The following CSMD2 variants were observed in gnomAD, a reference collection of about 807,000 sequenced individuals.
CSMD2 encodes CUB and sushi domain-containing protein 2.
In CSMD2, 130 loss-of-function variants were observed where a neutral mutation model predicts 398.5. The observed-to-expected ratio is 0.33, with a 90% confidence interval of 0.28 to 0.38. The LOEUF (loss-of-function observed/expected upper bound fraction) is 0.38, where lower values mean the gene tolerates loss of function less well. CSMD2 is among the 10% of genes least tolerant of loss of function. The pLI, the probability that CSMD2 is intolerant of heterozygous loss-of-function variation, is 1.00. For synonymous variants in CSMD2, 1,828 were observed against 1,908.5 expected, an observed-to-expected ratio of 0.96 and a Z score of 1.10; for missense variants, 3,829 against 4,764.9, an observed-to-expected ratio of 0.80 and a Z score of 5.78.
chr1:33,964,455 G>A (rs553658130), intron 3 of CSMD2, among the ~76,000 whole-genome samples: 125 of 152,328 alleles, frequency 8.2e-4, no homozygotes, highest in African/African-American at 2.8e-3. Context: ...CTCTTTGGAG[G>A]TAATTGCTGG....
chr1:33,636,425 G>A lies in CSMD2; in HGVS notation c.4904C>T (p.Thr1635Ile). 2 of 1,614,128 alleles carry A rather than the reference G, an allele frequency of 1.2e-6. No homozygotes were observed. The highest frequency in any genetic ancestry group is 1.1e-5 in the South Asian group (1 of 91,058). ...HGGYEVEGTS[T>I]LSCILGPDGK... ...ATCAGGCCCCAGGATGCAGCTCAGGGTCGAGGTGCCCTCAACTTCGTAGCC... is the reference window on the plus strand; with the variant it reads ...ATCAGGCCCCAGGATGCAGCTCAGGATCGAGGTGCCCTCAACTTCGTAGCC... Residue 1635 changes from threonine (T) to isoleucine (I), a missense_variant, in exon 30 of 71, where the codon ACC (threonine) becomes ATC (isoleucine). Transcript: ENST00000373381. The surrounding 1 kb of genome is among the most constrained non-coding windows in gnomAD (Gnocchi z 4.8).
chr1:33,711,771 G>A (rs1003307739), intron 21 of CSMD2, among the ~76,000 whole-genome samples: 1 of 152,080 alleles, frequency 6.6e-6, no homozygotes, highest in Non-Finnish European at 1.5e-5. Flanking sequence ...AGAGCTATGT[G>A]CCCCACCTCT....
At chr1:33,896,066 A>G (rs1281932427) in intron 5 of CSMD2, among the ~76,000 whole-genome samples, 2 of 152,216 alleles carry the variant, frequency 1.3e-5, no homozygotes, top group Non-Finnish European at 2.9e-5. Context: ...TTGTTAAGTC[A>G]CAGGATAAAG....
chr1:33,627,118 T>G (rs1386797211), intron 32 of CSMD2, among the ~76,000 whole-genome samples: 3 of 152,174 alleles, frequency 2.0e-5, no homozygotes, highest in African/African-American at 7.2e-5. Context: ...GTGTAATGTA[T>G]TGTTCATACT....
At chr1:34,128,522 G>A (rs1225971238) in intron 1 of CSMD2, among the ~76,000 whole-genome samples, 2 of 152,170 alleles carry the variant, frequency 1.3e-5, no homozygotes, top group Admixed American at 1.3e-4. Context: ...AGAAGACCTG[G>A]GTGTTCAAAG....
intron 3 of CSMD2, among the ~76,000 whole-genome samples, chr1:34,017,491 T>C (rs1286742193): frequency 6.6e-6 from 1 of 152,214 alleles, no homozygotes; most frequent in Non-Finnish European, 1.5e-5. Context: ...GCACAGTGGC[T>C]CATGCCTGTA....
chr1:33,987,487 C>T (rs909576781), intron 3 of CSMD2, among the ~76,000 whole-genome samples: 4 of 152,170 alleles, frequency 2.6e-5, no homozygotes, highest in Admixed American at 2.6e-4. Context: ...CATCAGAACT[C>T]AATGTCCTAA....
At chr1:33,984,884 C>A (rs2358754) in intron 3 of CSMD2, among the ~76,000 whole-genome samples, 3,580 of 138,230 alleles carry the variant, frequency 0.026, 144 homozygotes, top group African/African-American at 0.094. Context: ...GGCAGGCAGG[C>A]AGGAAGGAAG....
At chr1:34,034,135 C>T (rs1351521309) in intron 2 of CSMD2, among the ~76,000 whole-genome samples, 1 of 152,016 alleles carries the variant, frequency 6.6e-6, no homozygotes, top group Non-Finnish European at 1.5e-5. Flanking sequence ...TTTGTTTAAT[C>T]ATCTTATGCT....
intron 10 of CSMD2, among the ~76,000 whole-genome samples, chr1:33,810,276 A>T (rs1656706190): frequency 6.6e-6 from 1 of 152,168 alleles, no homozygotes; most frequent in East Asian, 1.9e-4. Context: ...AAATCTTAGG[A>T]ACACAATTTT....
chr1:34,071,178 C>G (rs1002612769), intron 2 of CSMD2, among the ~76,000 whole-genome samples: 2 of 152,218 alleles, frequency 1.3e-5, no homozygotes, highest in Non-Finnish European at 2.9e-5. Context: ...GAGGAGCTAG[C>G]CACTATAAAC....
intron 7 of CSMD2, among the ~76,000 whole-genome samples, chr1:33,822,401 A>G (rs560638166): frequency 1.3e-5 from 2 of 152,152 alleles, no homozygotes; most frequent in Non-Finnish European, 2.9e-5. Context: ...AGAGGCCTGA[A>G]GTAGACCGTG....
At chr1:33,682,185 C>G (rs967682392) in intron 25 of CSMD2, among the ~76,000 whole-genome samples, 6 of 152,196 alleles carry the variant, frequency 3.9e-5, no homozygotes, top group Non-Finnish European at 7.3e-5. Context: ...CTACCTCTGT[C>G]TTTGAATCAC....
intron 2 of CSMD2, among the ~76,000 whole-genome samples, chr1:34,085,259 T>C (rs543818172): frequency 3.9e-5 from 6 of 152,054 alleles, no homozygotes; most frequent in South Asian, 2.1e-4. Context: ...AGGGATAGCA[T>C]TGGGAGATAT....
rs142234707 is a variant in CSMD2 at position 33,528,072 on chromosome 1, T to G, written c.10172-814A>C. Reference sequence around the variant, plus strand: ...CTGGTGGGGGTTGCAGAGGAGCACCTTCCTCCCTTGGAATGATGAGATTAA... The same window carrying G: ...CTGGTGGGGGTTGCAGAGGAGCACCGTCCTCCCTTGGAATGATGAGATTAA... On this transcript the variant is annotated intron_variant, in intron 64 of 70. Transcript: ENST00000373381. Among the ~76,000 whole-genome samples the G allele has an allele frequency of 6.3e-3, 957 of 152,226 alleles. 4 individuals are homozygous for G. Among genetic ancestry groups the G allele is most frequent in the Middle Eastern group, 0.014 (4 of 294 alleles).
At chr1:34,066,096 A>G (rs1007218937) in intron 2 of CSMD2, among the ~76,000 whole-genome samples, 3 of 152,162 alleles carry the variant, frequency 2.0e-5, no homozygotes, top group Admixed American at 2.0e-4. Context: ...ATATGGGGCT[A>G]ATGATAATAC....
In CSMD2 at chr1:33,841,612, T is replaced by C. The variant is rs955208756; in HGVS notation, c.1033+5272A>G. ...CTGGCCTGGAGGCAGACGGATTGAT[T>C]ACACAACCTCAATAGGCCTACCAGA... On this transcript the variant is annotated intron_variant, in intron 6 of 70. Transcript: ENST00000373381. Among the ~76,000 whole-genome samples, 6 of 151,308 alleles carry C rather than the reference T, an allele frequency of 4.0e-5. No homozygotes were observed. In the Admixed American group the frequency reaches 4.0e-4, roughly 10 times the overall value.
chr1:33,594,771 C>T (rs983648636), intron 44 of CSMD2, among the ~76,000 whole-genome samples: 17 of 152,150 alleles, frequency 1.1e-4, no homozygotes, highest in African/African-American at 2.7e-4. Context: ...CTTCTGCTCT[C>T]GCTGATTCTT....
intron 1 of CSMD2, among the ~76,000 whole-genome samples, chr1:34,105,157 A>G (rs1029944933): frequency 1.3e-5 from 2 of 152,188 alleles, no homozygotes; most frequent in Non-Finnish European, 2.9e-5. Flanking sequence ...AGATCTTAAC[A>G]ATCGGAGAGA....
Sources: gnomAD v4.1 joint callset for allele counts (sites outside exome capture counted in the v4.1 genomes callset) on GRCh38, gnomAD v4.1.1 for gene constraint, Gnocchi (gnomAD v3.1) non-coding constraint, MANE v1.5 for transcripts, NCBI Gene and HGNC (gene_info 2026-07-23, HGNC 2026-07-21) for gene names.